CLSTN2: variants seen among roughly 807,000 people sequenced by gnomAD.
The protein encoded by CLSTN2 is calsyntenin 2, also known as calsyntenin-2.
CLSTN2 carries 48 observed loss-of-function variants against 101.2 expected under a neutral mutation model. That is an observed-to-expected ratio of 0.47 (90% CI 0.38 to 0.60). The LOEUF is 0.60. CLSTN2 is among the 20% of genes least tolerant of loss of function. The pLI is 0.00. For missense variants in CLSTN2, 1,160 were observed against 1,238.2 expected (o/e 0.94, Z 0.95); for synonymous variants, 481 against 463.6 (o/e 1.04, Z -0.48).
Position 140,421,109 on chromosome 3 carries a change from C to T in CLSTN2, c.638-16C>T. Reference sequence around the variant, plus strand: ...TAAATTGACCTGAAATGCTTTTGAACATCTCTGTTCCTCAGGCAACATCAG... The same window carrying T: ...TAAATTGACCTGAAATGCTTTTGAATATCTCTGTTCCTCAGGCAACATCAG... On this transcript the variant is annotated splice_polypyrimidine_tract_variant and intron_variant, in intron 4 of 16. Coordinates refer to ENST00000458420, the MANE Select transcript of CLSTN2 (RefSeq NM_022131.3). 1 of 1,611,100 alleles carries T rather than the reference C, an allele frequency of 6.2e-7. No homozygotes were observed. Among genetic ancestry groups the T allele is most frequent in the African/African-American group, 1.3e-5 (1 of 74,952 alleles).
intron 8 of CLSTN2, among the ~76,000 whole-genome samples, chr3:140,509,440 T>C (rs1309008155): frequency 1.3e-5 from 2 of 152,170 alleles, no homozygotes; most frequent in Non-Finnish European, 2.9e-5. Flanking sequence ...CTGATACTGA[T>C]GCTGTGGTTC....
chr3:140,023,015 C>G (rs17398740), intron 1 of CLSTN2, among the ~76,000 whole-genome samples: 9,408 of 152,294 alleles, frequency 0.062, 353 homozygotes, highest in Non-Finnish European at 0.079. Flanking sequence ...AGGGCTTCAA[C>G]GTTCCTCTGC....
chr3:140,144,000 G>T (rs1416675344), intron 1 of CLSTN2, among the ~76,000 whole-genome samples: 1 of 152,192 alleles, frequency 6.6e-6, no homozygotes, highest in African/African-American at 2.4e-5. Flanking sequence ...CAGTGCTCTA[G>T]ACGGATAAAA....
intron 2 of CLSTN2, among the ~76,000 whole-genome samples, chr3:140,231,392 T>TA (rs577366937): frequency 6.6e-5 from 10 of 152,000 alleles, no homozygotes; most frequent in East Asian, 5.8e-4. Flanking sequence ...AAAACCGGTT[T>TA]AAAAAAAATG....
intron 1 of CLSTN2, among the ~76,000 whole-genome samples, chr3:139,941,975 T>C (rs577095274): frequency 6.6e-6 from 1 of 152,266 alleles, no homozygotes; most frequent in Non-Finnish European, 1.5e-5. Context: ...CACTGAGAAG[T>C]GAGGTAACTT....
At chr3:140,453,802 G>C (rs1236698230) in intron 6 of CLSTN2, among the ~76,000 whole-genome samples, 1 of 152,190 alleles carries the variant, frequency 6.6e-6, no homozygotes, top group Non-Finnish European at 1.5e-5. Flanking sequence ...AGACAGACAT[G>C]TTAAGAAAAT....
At chr3:140,108,523 G>A (rs2009100031) in intron 1 of CLSTN2, among the ~76,000 whole-genome samples, 1 of 152,126 alleles carries the variant, frequency 6.6e-6, no homozygotes, top group African/African-American at 2.4e-5. Flanking sequence ...GCAGCTAGAA[G>A]TCCCATTGAA....
rs181300904 is a variant in CLSTN2, at chr3:139,959,542, T to C, written c.109+24059T>C. 6.0e-3 allele frequency among the ~76,000 whole-genome samples: 907 copies of C among 152,292 alleles called. 8 individuals are homozygous for C. The highest frequency in any genetic ancestry group is 0.02 in the African/African-American group (813 of 41,564). ...TTGATGCCAAACTCAGAGGATTCTT[T>C]GGGGTCTCTAGTATTTGACAGTGAC... On this transcript the variant is annotated intron_variant, in intron 1 of 16. Transcript: ENST00000458420.
intron 1 of CLSTN2, among the ~76,000 whole-genome samples, chr3:140,110,272 C>G (rs2009132244): frequency 6.6e-6 from 1 of 152,172 alleles, no homozygotes; most frequent in South Asian, 2.1e-4. Context: ...CGACCAACAT[C>G]TTCCTTACAG....
intron 1 of CLSTN2, among the ~76,000 whole-genome samples, chr3:140,132,491 A>G (rs951595736): frequency 1.3e-5 from 2 of 152,148 alleles, no homozygotes; most frequent in Non-Finnish European, 2.9e-5. Context: ...TACATGGACC[A>G]CGGGCTTTAG....
chr3:140,262,674 T>C (rs2086663695), intron 2 of CLSTN2, among the ~76,000 whole-genome samples: 1 of 152,118 alleles, frequency 6.6e-6, no homozygotes, highest in South Asian at 2.1e-4. Context: ...ATCTACATTA[T>C]GAAGGTAGTG....
intron 5 of CLSTN2, among the ~76,000 whole-genome samples, chr3:140,433,526 G>A (rs2107999443): frequency 6.6e-6 from 1 of 152,310 alleles, no homozygotes; most frequent in South Asian, 2.1e-4. Context: ...TTTGCAGCAG[G>A]CCAGAATGTC....
intron 1 of CLSTN2, among the ~76,000 whole-genome samples, chr3:140,072,601 C>T (rs554411714): frequency 3.8e-4 from 58 of 152,188 alleles, no homozygotes; most frequent in Middle Eastern, 6.8e-3. Context: ...AAGGGAAGGC[C>T]TGTTTACAAA....
At chr3:140,322,753 G>T (rs904329731) in intron 2 of CLSTN2, among the ~76,000 whole-genome samples, 2 of 152,196 alleles carry the variant, frequency 1.3e-5, no homozygotes, top group East Asian at 1.9e-4. Flanking sequence ...TGGTTGTAAA[G>T]CCTCTGAGGG....
At chr3:140,241,261 T>G (rs1280751114) in intron 2 of CLSTN2, among the ~76,000 whole-genome samples, 1 of 152,192 alleles carries the variant, frequency 6.6e-6, no homozygotes, top group Admixed American at 6.5e-5. Flanking sequence ...CTGACATGTC[T>G]AATCAATTAG....
At chr3:140,119,472 C>G (rs114281339) in intron 1 of CLSTN2, among the ~76,000 whole-genome samples, 1 of 152,108 alleles carries the variant, frequency 6.6e-6, no homozygotes, top group Non-Finnish European at 1.5e-5. Context: ...AATTATATCA[C>G]AGTTAATTGT....
intron 10 of CLSTN2, among the ~76,000 whole-genome samples, chr3:140,549,643 T>C (rs953958918): frequency 1.3e-5 from 2 of 149,818 alleles, no homozygotes; most frequent in African/African-American, 2.5e-5. Flanking sequence ...GTTCATGCTC[T>C]TTCTTCCATA....
rs2086385554 is a variant in CLSTN2, at chr3:140,233,144, C to T, written c.232+57071C>T. ...TTGATACTCTGACCCTAGATTCTCC[C>T]TCTCCCCAGCACCCCACTTTTCCTT... On this transcript the variant is annotated intron_variant, in intron 2 of 16. Coordinates refer to ENST00000458420, the MANE Select transcript of CLSTN2 (RefSeq NM_022131.3). Among the ~76,000 whole-genome samples, 3 of 152,174 alleles carry T rather than the reference C, an allele frequency of 2.0e-5. No individual in the cohort carries two copies. The South Asian group carries it at 6.2e-4, about 32-fold the overall frequency.
intron 1 of CLSTN2, among the ~76,000 whole-genome samples, chr3:140,042,650 T>C (rs2007785102): frequency 6.6e-6 from 1 of 152,112 alleles, no homozygotes; most frequent in African/African-American, 2.4e-5. Flanking sequence ...ATTAGGTATA[T>C]CTCCTAATGC....
Sources: gnomAD v4.1 joint callset for allele counts (sites outside exome capture counted in the v4.1 genomes callset) on GRCh38, gnomAD v4.1.1 for gene constraint, MANE v1.5 for transcripts, NCBI Gene and HGNC (gene_info 2026-07-23, HGNC 2026-07-21) for gene names.